RYR3: variants seen among roughly 807,000 people sequenced by gnomAD.
RYR3 encodes brain ryanodine receptor-calcium release channel.
In RYR3, 207 loss-of-function variants were observed where a neutral mutation model predicts 584.3. The observed-to-expected ratio is 0.35, with a 90% CI of 0.32 to 0.40. The LOEUF is 0.40. RYR3 is among the 10% of genes least tolerant of loss of function. RYR3 has a pLI of 1.00. For synonymous variants in RYR3, 2,416 were observed against 2,248.5 expected (o/e 1.07, Z -2.11); for missense variants, 5,616 against 6,089.2 (o/e 0.92, Z 2.59).
At chr15:33,386,767 C>T (rs1337757392) in intron 1 of RYR3, among the ~76,000 whole-genome samples, 18 of 152,230 alleles carry the variant, frequency 1.2e-4, no homozygotes, top group Admixed American at 9.8e-4. Context: ...GTTATAGAAG[C>T]GGAATTGTAG....
chr15:33,789,919 G>A (rs1388763228), intron 67 of RYR3, among the ~76,000 whole-genome samples: 5 of 145,374 alleles, frequency 3.4e-5, no homozygotes, highest in South Asian at 2.2e-4. Flanking sequence ...CAAGCAATCC[G>A]CCTGCCTCGG....
chr15:33,747,319 G>A (rs931193645), intron 53 of RYR3, among the ~76,000 whole-genome samples: 12 of 145,558 alleles, frequency 8.2e-5, no homozygotes, highest in Admixed American at 6.9e-4. Context: ...GCTGGTGTAT[G>A]TATCTTTGCA....
chr15:33,753,279 A>G (rs753671693), intron 57 of RYR3, among the ~76,000 whole-genome samples: 28 of 152,256 alleles, frequency 1.8e-4, no homozygotes, highest in Admixed American at 1.3e-4. Flanking sequence ...AATAGCAAGC[A>G]TAACTGACAT....
At chr15:33,785,489 T>A (rs1444110513) in intron 65 of RYR3, among the ~76,000 whole-genome samples, 173 bp from the exon 66 acceptor site, 2 of 152,214 alleles carry the variant, frequency 1.3e-5, no homozygotes, top group Non-Finnish European at 2.9e-5. Context: ...CTCTGGAAGC[T>A]GCACTCTGTT....
chr15:33,857,707 T>TA (rs1012240215), intron 98 of RYR3, 73 bp from the exon 99 acceptor site: 25 of 1,573,384 alleles, frequency 1.6e-5, no homozygotes, highest in African/African-American at 9.5e-5. Flanking sequence ...CTCGTTTTCT[T>TA]AGAGTCTCCT....
intron 43 of RYR3, among the ~76,000 whole-genome samples, chr15:33,707,548 A>G (rs2066806329): frequency 6.6e-6 from 1 of 152,134 alleles, no homozygotes; most frequent in South Asian, 2.1e-4. Context: ...AATACAATCT[A>G]CCTCCCATTT....
intron 1 of RYR3, among the ~76,000 whole-genome samples, chr15:33,338,340 G>A (rs896940984): frequency 5.9e-5 from 9 of 152,154 alleles, no homozygotes; most frequent in African/African-American, 2.2e-4. Context: ...AGGGGAAAGG[G>A]CGGGATATTG....
chr15:33,489,151 A>G (rs1327044306), intron 2 of RYR3, among the ~76,000 whole-genome samples: 2 of 152,350 alleles, frequency 1.3e-5, no homozygotes, highest in East Asian at 3.9e-4. Flanking sequence ...GGAAATGCCT[A>G]CAATTTTTTT....
Position 33,488,680 on chromosome 15 carries a change from G to A in RYR3, c.172-14951G>A, listed in dbSNP as rs778921580. On this transcript the variant is annotated intron_variant, in intron 2 of 103. Transcript: ENST00000634891. ...ATCCTGGCCAACATGGTGAAACCCC[G>A]TCTCTACTAAAAATACAAAAAATTA... is the stretch of plus-strand genomic sequence containing the variant. Among the ~76,000 whole-genome samples, 62 of 151,920 alleles carry A rather than the reference G, an allele frequency of 4.1e-4. 1 individual carries two copies. Among genetic ancestry groups the A allele is most frequent in the South Asian group, 1.0e-3 (5 of 4,806 alleles).
chr15:33,694,913 C>G (rs1034978852), intron 38 of RYR3, among the ~76,000 whole-genome samples: 2 of 152,218 alleles, frequency 1.3e-5, no homozygotes, highest in Non-Finnish European at 2.9e-5. Flanking sequence ...ACATCTAGGT[C>G]TCTTTTAAAG....
chr15:33,814,059 T>C (rs2076680260), intron 74 of RYR3, among the ~76,000 whole-genome samples: 1 of 152,240 alleles, frequency 6.6e-6, no homozygotes, highest in African/African-American at 2.4e-5. Flanking sequence ...TGTCAAAATA[T>C]AGAAAGGCTG....
intron 99 of RYR3, chr15:33,858,200 T>G (rs946728088): frequency 3.5e-5 from 12 of 342,172 alleles, no homozygotes; most frequent in African/African-American, 2.0e-4. Flanking sequence ...GGGGTAAAGA[T>G]GAGACATTAT....
chr15:33,712,685 G>GA (rs1425893678), intron 43 of RYR3, among the ~76,000 whole-genome samples: 1 of 152,148 alleles, frequency 6.6e-6, no homozygotes, highest in African/African-American at 2.4e-5. Context: ...AGAAAAATGA[G>GA]AATATTTCTG....
chr15:33,835,220 A>G, intron 87 of RYR3, 148 bp downstream of exon 87: 1 of 627,542 alleles, frequency 1.6e-6, no homozygotes, highest in South Asian at 2.1e-5. Context: ...CTGAAGGCCA[A>G]AATGGGAGAT....
At chr15:33,710,057 A>G (rs1163957125) in intron 43 of RYR3, among the ~76,000 whole-genome samples, 1 of 152,216 alleles carries the variant, frequency 6.6e-6, no homozygotes, top group Non-Finnish European at 1.5e-5. Context: ...GAAGAGATAC[A>G]TTTGAAAGAA....
At chr15:33,586,992 G>A (rs751132836) in intron 16 of RYR3, among the ~76,000 whole-genome samples, 6 of 151,736 alleles carry the variant, frequency 4.0e-5, no homozygotes, top group African/African-American at 9.7e-5. Flanking sequence ...AGCAGGCTTC[G>A]TCACTGGCAG....
In RYR3 at chr15:33,738,829, G is replaced by A. The variant is rs370054035; in HGVS notation, c.7656+239G>A. 6.6e-5 allele frequency among the ~76,000 whole-genome samples: 10 copies of A among 152,168 alleles called. No homozygotes were observed. In the East Asian group the frequency reaches 9.6e-4, roughly 15 times the overall value. On this transcript the variant is annotated intron_variant, in intron 50 of 103. Transcript: ENST00000634891. ...AATTTTCACATTCACAAAGCTGTAC[G>A]AGGGAAAGTGACTACCAGAGTGAAT...
At position 33,473,447 on chromosome 15, in the gene RYR3, C is replaced by T; in HGVS notation, c.80C>T (p.Ala27Val). Residue 27 changes from alanine to valine, a missense_variant, in exon 2 of 104, where the codon GCC becomes GTC. This residue lies in a region of RYR3 where 1,284 missense variants were observed against 1,344.6 expected (regional missense o/e 0.95). Transcript: ENST00000634891. ...TEDEVVLQCI[A>V]TIHKEQRKFC... is the part of the protein sequence containing the mutation. ...GATGAAGTGGTACTCCAGTGCATCG[C>T]CACCATTCATAAGGAGCAGAGGAAG... 1 of 1,613,864 alleles carries T rather than the reference C, an allele frequency of 6.2e-7. No individual in the cohort carries two copies. Among genetic ancestry groups the T allele is most frequent in the South Asian group, 1.1e-5 (1 of 91,072 alleles).
intron 2 of RYR3, among the ~76,000 whole-genome samples, chr15:33,475,044 T>C (rs2049256380): frequency 6.6e-6 from 1 of 152,176 alleles, no homozygotes; most frequent in South Asian, 2.1e-4. Context: ...GCTAGGTTTT[T>C]TTGTTTTTTT....
Sources: gnomAD v4.1 joint callset for allele counts (sites outside exome capture counted in the v4.1 genomes callset) on GRCh38, gnomAD v4.1.1 for gene constraint, gnomAD v4.1.1 regional missense constraint, MANE v1.5 for transcripts, NCBI Gene and HGNC (gene_info 2026-07-23, HGNC 2026-07-21) for gene names.